Variants in TTC39B observed in about 807,000 individuals in gnomAD.
TTC39B encodes tetratricopeptide repeat protein 39B.
TTC39B carries 92 observed loss-of-function variants against 96.6 expected under a neutral mutation model. The ratio of observed to expected loss-of-function variants is 0.95; its 90% CI spans 0.80 to 1.13. The LOEUF (loss-of-function observed/expected upper bound fraction) is 1.13. TTC39B is among the 50% of genes most tolerant of loss of function. The pLI, the probability that TTC39B is intolerant of heterozygous loss-of-function variation, is 0.00. For synonymous variants in TTC39B, 367 were observed against 299.4 expected (o/e 1.23, Z -2.33); for missense variants, 955 against 809.3 (o/e 1.18, Z -2.18).
exon 20 of TTC39B, chr9:15,167,053 T>C (rs1273989916): frequency 1.1e-5 from 1 of 92,888 alleles, no homozygotes; most frequent in Admixed American, 1.2e-4. Flanking sequence ...TTTTTTTTTT[T>C]TGAGACAGGG....
chr9:15,212,576 C>T (rs944558911), intron 4 of TTC39B, among the ~76,000 whole-genome samples: 1 of 152,150 alleles, frequency 6.6e-6, no homozygotes, highest in Non-Finnish European at 1.5e-5. Context: ...CAGGCATGCA[C>T]CACCATGCCT....
intron 1 of TTC39B, among the ~76,000 whole-genome samples, chr9:15,291,988 G>A (rs1011622491): frequency 5.3e-5 from 8 of 152,206 alleles, no homozygotes; most frequent in African/African-American, 1.9e-4. Context: ...GTTGCTGAGT[G>A]CAGCCTGGTG....
chr9:15,266,987 C>T (rs751282447), intron 2 of TTC39B, among the ~76,000 whole-genome samples: 10 of 152,058 alleles, frequency 6.6e-5, no homozygotes, highest in African/African-American at 2.4e-4. Context: ...GCTAAGGCAG[C>T]AGAATGGCGT....
intron 2 of TTC39B, among the ~76,000 whole-genome samples, chr9:15,229,170 G>A (rs947954137): frequency 1.3e-5 from 2 of 152,126 alleles, no homozygotes; most frequent in South Asian, 2.1e-4. Flanking sequence ...AAATACTATT[G>A]CAAACACACA....
chr9:15,193,649 G>A (rs1178857174), intron 8 of TTC39B, among the ~76,000 whole-genome samples: 4 of 152,126 alleles, frequency 2.6e-5, no homozygotes, highest in African/African-American at 9.7e-5. Flanking sequence ...ATTTTGCCAA[G>A]ATAAAATGAT....
At chr9:15,278,844 A>G (rs1384819726) in intron 1 of TTC39B, among the ~76,000 whole-genome samples, 1 of 152,164 alleles carries the variant, frequency 6.6e-6, no homozygotes, top group East Asian at 1.9e-4. Flanking sequence ...CTATGTTCTA[A>G]TAATAACAGC....
intron 18 of TTC39B, among the ~76,000 whole-genome samples, chr9:15,175,889 A>G (rs1447712047): frequency 6.6e-6 from 1 of 152,224 alleles, no homozygotes; most frequent in East Asian, 1.9e-4. Context: ...GGATCCTTAC[A>G]GGACTACTCC....
chr9:15,173,328 C>T (rs1271981480), intron 19 of TTC39B, among the ~76,000 whole-genome samples: 2 of 152,172 alleles, frequency 1.3e-5, no homozygotes, highest in Admixed American at 1.3e-4. Flanking sequence ...GGAAGCCCTT[C>T]TTGGCTCTAC....
intron 2 of TTC39B, among the ~76,000 whole-genome samples, chr9:15,257,767 AAAT>A (rs1822806316): frequency 6.6e-6 from 1 of 151,390 alleles, no homozygotes; most frequent in African/African-American, 2.4e-5. Flanking sequence ...TTATTTTTAA[AAAT>A]AATTTTAGGC....
intron 1 of TTC39B, among the ~76,000 whole-genome samples, chr9:15,286,669 C>A (rs1823985469): frequency 6.6e-6 from 1 of 152,202 alleles, no homozygotes; most frequent in Non-Finnish European, 1.5e-5. Context: ...GGTGGTACTG[C>A]CTGACTCATT....
chr9:15,213,781 G>A (rs182807855), intron 4 of TTC39B, among the ~76,000 whole-genome samples: 1 of 152,104 alleles, frequency 6.6e-6, no homozygotes, highest in African/African-American at 2.4e-5. Flanking sequence ...AGCATATTCT[G>A]GTTTTTCCCC....
intron 3 of TTC39B, 40 bp from the exon 4 acceptor site, chr9:15,214,289 T>C: frequency 2.0e-6 from 3 of 1,499,698 alleles, no homozygotes; most frequent in Non-Finnish European, 2.8e-6. Context: ...TTCTATAGCT[T>C]TACGATCAGC....
exon 11 of TTC39B, chr9:15,190,612 C>T: frequency 3.1e-6 from 5 of 1,614,210 alleles, no homozygotes; most frequent in South Asian, 1.1e-5. Context: ...ACAGTGCAGA[C>T]CTCATGCTCC....
chr9:15,258,669 G>C (rs1048688074), intron 2 of TTC39B, among the ~76,000 whole-genome samples: 1 of 152,166 alleles, frequency 6.6e-6, no homozygotes, highest in Admixed American at 6.5e-5. Context: ...AAGTCAGAGA[G>C]GACACTGAGC....
chr9:15,227,044 C>T (rs1368523403), intron 2 of TTC39B, among the ~76,000 whole-genome samples: 2 of 152,022 alleles, frequency 1.3e-5, no homozygotes, highest in Non-Finnish European at 1.5e-5. Flanking sequence ...CAGTGGCTCA[C>T]GCCTGTAATC....
chr9:15,203,697 C>T, intron 7 of TTC39B, 126 bp downstream of exon 7: 1 of 692,830 alleles, frequency 1.4e-6, no homozygotes, highest in Non-Finnish European at 2.3e-6. Context: ...ATCAGAATAA[C>T]AAATATTTGC....
intron 3 of TTC39B, among the ~76,000 whole-genome samples, chr9:15,219,861 C>T (rs1820745859): frequency 6.6e-6 from 1 of 152,202 alleles, no homozygotes; most frequent in African/African-American, 2.4e-5. Flanking sequence ...CACCGCCCAA[C>T]CATGACCCTC....
In TTC39B at chr9:15,292,957, T is replaced by C. The variant is rs142647881; in HGVS notation, c.240+14127A>G. ...GTGCAGCTTAAGTGTACAGTGTTCATAAAGTCTATACTAATGTGTAATAAT... is the reference window on the plus strand; with the variant it reads ...GTGCAGCTTAAGTGTACAGTGTTCACAAAGTCTATACTAATGTGTAATAAT... On this transcript the variant is annotated intron_variant, in intron 1 of 19. Coordinates refer to ENST00000512701, the Ensembl canonical transcript of TTC39B. 1.1e-3 allele frequency among the ~76,000 whole-genome samples: 174 copies of C among 152,346 alleles called. 1 individual carries two copies. The highest frequency in any genetic ancestry group is 3.8e-3 in the African/African-American group (159 of 41,588).
exon 20 of TTC39B, chr9:15,166,138 G>A (rs1397188910): frequency 1.3e-5 from 2 of 152,036 alleles, no homozygotes; most frequent in Non-Finnish European, 2.9e-5. Context: ...AAAAACTATG[G>A]CATTAATATA....
Sources: gnomAD v4.1 joint callset for allele counts (sites outside exome capture counted in the v4.1 genomes callset) on GRCh38, gnomAD v4.1.1 for gene constraint, MANE v1.5 for transcripts, NCBI Gene and HGNC (gene_info 2026-07-23, HGNC 2026-07-21) for gene names.